GARS1: variants seen among roughly 807,000 people sequenced by gnomAD.
The protein encoded by GARS1 is glycine--tRNA ligase.
GARS1 carries 46 observed loss-of-function variants against 86.4 expected under a neutral mutation model. The observed-to-expected ratio is 0.53, with a 90% CI of 0.42 to 0.68. GARS1 has a LOEUF of 0.68. Among genes scored for constraint, GARS1 ranks in the 30% least tolerant of loss-of-function variants. The probability of loss-of-function intolerance (pLI) is 0.00; values close to 1 mark genes in which losing one functional copy is unlikely to be tolerated. For synonymous variants in GARS1, 342 were observed against 329.8 expected, an observed-to-expected ratio of 1.04 and a Z score of -0.40; for missense variants, 797 against 915.6, an observed-to-expected ratio of 0.87 and a Z score of 1.67.
At chr7:30,625,198 C>T (rs1352459706) in intron 12 of GARS1, among the ~76,000 whole-genome samples, 1 of 152,208 alleles carries the variant, frequency 6.6e-6, no homozygotes, top group Non-Finnish European at 1.5e-5. Context: ...CCTACCTTGA[C>T]CTCCCAAAGT....
chr7:30,622,204 G>T, intron 11 of GARS1, 113 bp from the exon 12 acceptor site: 1 of 1,234,154 alleles, frequency 8.1e-7, no homozygotes, highest in Non-Finnish European at 1.2e-6. Context: ...ACAGGATCTG[G>T]AGTACTGATA....
intron 7 of GARS1, among the ~76,000 whole-genome samples, chr7:30,609,959 C>T (rs888705879): frequency 6.6e-6 from 1 of 152,096 alleles, no homozygotes; most frequent in Non-Finnish European, 1.5e-5. Flanking sequence ...AAAATAAAGT[C>T]TCTGATCACT....
At chr7:30,607,515 G>T (rs191164412) in intron 6 of GARS1, among the ~76,000 whole-genome samples, 93 of 151,286 alleles carry the variant, frequency 6.1e-4, no homozygotes, top group Non-Finnish European at 1.5e-4. Flanking sequence ...CATGGACACA[G>T]GGTGGGGAAC....
intron 10 of GARS1, among the ~76,000 whole-genome samples, chr7:30,620,369 C>G (rs543948964): frequency 1.8e-4 from 27 of 152,242 alleles, no homozygotes; most frequent in African/African-American, 5.5e-4. Context: ...GTGAGGGCCC[C>G]ATTCTCAGTC....
intron 13 of GARS1, chr7:30,627,147 C>T (rs1010970719): frequency 3.8e-5 from 17 of 450,986 alleles, no homozygotes; most frequent in South Asian, 1.8e-4. Flanking sequence ...TTCCTGGAAA[C>T]GGAGTAGTAA....
At chr7:30,620,942 A>C (rs1462742445) in intron 10 of GARS1, among the ~76,000 whole-genome samples, 2 of 152,214 alleles carry the variant, frequency 1.3e-5, no homozygotes, top group Non-Finnish European at 2.9e-5. Context: ...TAATTTCCAT[A>C]ATTAAATTCC....
Position 30,625,166 on chromosome 7 carries a change from A to G in GARS1, c.1614-1068A>G, listed in dbSNP as rs143343517. On this transcript the variant is annotated intron_variant, in intron 12 of 16. Coordinates refer to ENST00000389266, the MANE Select transcript of GARS1 (RefSeq NM_002047.4). ...ACCTTGTTGACCAGGCTGGTCTTGA[A>G]CTCCTGACCTCAGGTGATCCACCTA... Among the ~76,000 whole-genome samples the G allele has an allele frequency of 4.6e-3, 705 of 151,922 alleles. 5 individuals are homozygous for G. Among genetic ancestry groups the G allele is most frequent in the African/African-American group, 0.016 (661 of 41,418 alleles).
intron 16 of GARS1, among the ~76,000 whole-genome samples, 183 bp from the exon 17 acceptor site, chr7:30,633,552 G>A (rs535960458): frequency 6.6e-6 from 1 of 152,304 alleles, no homozygotes; most frequent in African/African-American, 2.4e-5. Context: ...GTTAGGAAAG[G>A]CTTTGTGGCA....
upstream of GARS1, chr7:30,594,827 G>C (rs1791201385): frequency 9.1e-7 from 1 of 1,095,666 alleles, no homozygotes; most frequent in East Asian, 2.6e-5. Context: ...CACGCGCGCC[G>C]CGTCGTTTAC....
At chr7:30,594,811 C>A (rs1325905784), upstream of GARS1, 8 of 931,736 alleles carry the variant, frequency 8.6e-6, no homozygotes, top group Admixed American at 1.7e-4. Context: ...GGTGAATGTG[C>A]GGCAGCACGC....
At chr7:30,631,216 G>A (rs186995176) in intron 14 of GARS1, 146 of 424,732 alleles carry the variant, frequency 3.4e-4, no homozygotes, top group African/African-American at 2.5e-3. Context: ...AGAAACTAAG[G>A]TTCAGAAAGA....
chr7:30,632,351 G>C lies in GARS1; in HGVS notation c.2008G>C (p.Val670Leu), dbSNP rs376585160. The change falls in exon 16 of 17, where the codon GTC (valine) becomes CTC (leucine). Residue 670 changes from valine (V) to leucine (L), a missense_variant. By Grantham distance (32) the Val-to-Leu change is conservative. Coordinates refer to ENST00000389266, the MANE Select transcript of GARS1 (RefSeq NM_002047.4). The surrounding 1 kb of genome is among the most constrained non-coding windows in gnomAD (Gnocchi z 4.1). ...RTDEIGVAFGVTIDFDTVNKT... is the reference protein window; with the variant it reads ...RTDEIGVAFGLTIDFDTVNKT... Reference sequence around the variant, plus strand: ...TGATGAGATTGGCGTGGCTTTTGGTGTCACCATTGACTTTGACACAGTGAA... The same window carrying C: ...TGATGAGATTGGCGTGGCTTTTGGTCTCACCATTGACTTTGACACAGTGAA... 1 of 1,614,042 alleles carries C rather than the reference G, an allele frequency of 6.2e-7. No homozygotes were observed. The highest frequency in any genetic ancestry group is 1.3e-5 in the African/African-American group (1 of 74,924).
chr7:30,627,988 G>A (rs1783160212), intron 13 of GARS1, among the ~76,000 whole-genome samples: 1 of 152,130 alleles, frequency 6.6e-6, no homozygotes, highest in Non-Finnish European at 1.5e-5. Context: ...GAATATTCTA[G>A]TACCTCAGGT....
rs1252721145 is a variant in GARS1 at position 30,632,481 on chromosome 7, A to G, written c.2094+44A>G. On this transcript the variant is annotated intron_variant, in intron 16 of 16. Coordinates refer to ENST00000389266, the MANE Select transcript of GARS1 (RefSeq NM_002047.4). The surrounding 1 kb of genome is among the most constrained non-coding windows in gnomAD (Gnocchi z 4.1). ...GGCATTTTTAGCCTTAGAAATGTGTACTGCTTCTTACTGATTTGTGTTGGA... is the reference window on the plus strand; with the variant it reads ...GGCATTTTTAGCCTTAGAAATGTGTGCTGCTTCTTACTGATTTGTGTTGGA... 2.5e-6 allele frequency: 4 copies of G among 1,575,558 alleles called. No individual in the cohort carries two copies. Among genetic ancestry groups the G allele is most frequent in the South Asian group, 1.1e-5 (1 of 90,154 alleles).
Position 30,598,841 on chromosome 7 carries a change from G to C in GARS1, c.268G>C (p.Asp90His). 1 of 1,614,198 alleles carries C rather than the reference G, an allele frequency of 6.2e-7. No individual in the cohort carries two copies. Among genetic ancestry groups the C allele is most frequent in the Non-Finnish European group, 8.5e-7 (1 of 1,180,020 alleles). The change falls in exon 2 of 17, where the codon GAC becomes CAC. Residue 90 changes from aspartate (D) to histidine (H), a missense_variant. By Grantham distance (81) the Asp-to-His change is moderately conservative (BLOSUM62 -1). Around this residue, in one of 2 missense-constraint regions of GARS1, gnomAD observed 199 missense variants for 176.9 expected, o/e 1.12. Coordinates refer to ENST00000389266, the MANE Select transcript of GARS1 (RefSeq NM_002047.4). ...CAAAGAAGATAAAGCACCCCAAGTA[G>C]ACGTAGACAAAGCAGTGGCTGAGCT... Reference protein sequence around the residue: ...KLKEDKAPQVDVDKAVAELKA... With the variant: ...KLKEDKAPQVHVDKAVAELKA...
chr7:30,603,540 A>G lies in GARS1; in HGVS notation c.703A>G (p.Lys235Glu). ...LMSDKKCSVE[K>E]KSEMESVLAQ... ...GTCTGATAAGAAGTGTTCTGTCGAA[A>G]AGAAATCAGAAATGGAAAGTGTTTT... The change falls in exon 6 of 17, where the codon AAG (lysine) becomes GAG (glutamate). Residue 235 changes from lysine (K) to glutamate (E), a missense_variant. By Grantham distance (56) the Lys-to-Glu change is moderately conservative. This residue lies in a region of GARS1 where 598 missense variants were observed against 738.7 expected (regional missense o/e 0.81). Coordinates refer to ENST00000389266, the MANE Select transcript of GARS1 (RefSeq NM_002047.4). The G allele has an allele frequency of 6.2e-7, 1 of 1,613,966 alleles. No homozygotes were observed. Among genetic ancestry groups the G allele is most frequent in the Non-Finnish European group, 8.5e-7 (1 of 1,179,966 alleles).
intron 14 of GARS1, among the ~76,000 whole-genome samples, chr7:30,629,500 G>T (rs1366508132): frequency 6.6e-6 from 1 of 152,180 alleles, no homozygotes; most frequent in African/African-American, 2.4e-5. Flanking sequence ...GAAAGGAGAG[G>T]TTGTATATGT....
In GARS1 at chr7:30,595,129, G is replaced by C. The variant is rs1008199275; in HGVS notation, c.208G>C (p.Ala70Pro). The C allele has an allele frequency of 6.5e-7, 1 of 1,538,376 alleles. No homozygotes were observed. The highest frequency in any genetic ancestry group is 1.4e-5 in the African/African-American group (1 of 73,168). The change falls in exon 1 of 17, where the codon GCA becomes CCA. Residue 70 changes from alanine to proline, a missense_variant. By Grantham distance (27) the Ala-to-Pro change is conservative (BLOSUM62 -1). Around this residue, in one of 2 missense-constraint regions of GARS1, gnomAD observed 199 missense variants for 176.9 expected, o/e 1.12. Coordinates refer to ENST00000389266, the MANE Select transcript of GARS1 (RefSeq NM_002047.4). ...AEEVLAPLRL[A>P]VRQQGDLVRK... Reference sequence around the variant, plus strand: ...GGAGGTGCTGGCACCTCTGAGGCTAGCAGTGCGCCAGCAGGTACCGGTGTT... The same window carrying C: ...GGAGGTGCTGGCACCTCTGAGGCTACCAGTGCGCCAGCAGGTACCGGTGTT...
intron 6 of GARS1, among the ~76,000 whole-genome samples, chr7:30,605,790 C>G (rs1424049160): frequency 6.6e-6 from 1 of 152,128 alleles, no homozygotes; most frequent in Non-Finnish European, 1.5e-5. Flanking sequence ...TTTAAAAAAT[C>G]CTTTTCAATC....
Sources: gnomAD v4.1 joint callset for allele counts (sites outside exome capture counted in the v4.1 genomes callset) on GRCh38, gnomAD v4.1.1 for gene constraint, gnomAD v4.1.1 regional missense constraint, Gnocchi (gnomAD v3.1) non-coding constraint, MANE v1.5 for transcripts, NCBI Gene and HGNC (gene_info 2026-07-23, HGNC 2026-07-21) for gene names.